The following CHRM3 variants were observed in gnomAD, a reference collection of about 807,000 sequenced individuals.
CHRM3 encodes muscarinic acetylcholine receptor M3.
CHRM3 carries 11 observed loss-of-function variants against 41.8 expected under a neutral mutation model. That is an observed-to-expected ratio of 0.26 (90% CI 0.17 to 0.44). CHRM3 has a LOEUF of 0.44. Among genes scored for constraint, CHRM3 ranks in the 20% least tolerant of loss-of-function variants. The probability of loss-of-function intolerance (pLI) is 1.00; values close to 1 mark genes in which losing one functional copy is unlikely to be tolerated. For missense variants in CHRM3, 571 were observed against 745.4 expected, an observed-to-expected ratio of 0.77 and a Z score of 2.72; for synonymous variants, 297 against 301.4, an observed-to-expected ratio of 0.99 and a Z score of 0.15.
intron 6 of CHRM3, among the ~76,000 whole-genome samples, chr1:239,864,461 C>T (rs768537397): frequency 1.3e-5 from 2 of 151,798 alleles, no homozygotes; most frequent in African/African-American, 2.4e-5. Context: ...GAGCCGAGAT[C>T]GTGCCATTGC....
chr1:239,590,701 A>G (rs1664033561), intron 3 of CHRM3, among the ~76,000 whole-genome samples: 2 of 152,226 alleles, frequency 1.3e-5, no homozygotes, highest in African/African-American at 4.8e-5. Flanking sequence ...CAGGGAAGAT[A>G]GAAAACATCT....
At chr1:239,874,338 C>G (rs1046617385) in intron 6 of CHRM3, among the ~76,000 whole-genome samples, 3 of 36,308 alleles carry the variant, frequency 8.3e-5, no homozygotes, top group Admixed American at 3.3e-4. Context: ...CACAGTTGAC[C>G]CTCGAACAAC....
chr1:239,558,800 A>G (rs1660611665), intron 3 of CHRM3, among the ~76,000 whole-genome samples: 2 of 152,196 alleles, frequency 1.3e-5, no homozygotes, highest in Admixed American at 6.5e-5. Flanking sequence ...GAGTCACCTG[A>G]GTCAACTTCT....
At chr1:239,686,035 G>A (rs953072741) in intron 5 of CHRM3, among the ~76,000 whole-genome samples, 1 of 151,738 alleles carries the variant, frequency 6.6e-6, no homozygotes, top group African/African-American at 2.4e-5. Context: ...TCCCCATCAC[G>A]CCTCCTGCCA....
chr1:239,602,883 A>G (rs1205657905), intron 3 of CHRM3, among the ~76,000 whole-genome samples: 1 of 152,192 alleles, frequency 6.6e-6, no homozygotes, highest in Non-Finnish European at 1.5e-5. Context: ...TTGTTGTTGT[A>G]TAGCAGTAAT....
At chr1:239,833,769 C>T (rs1441700355) in intron 6 of CHRM3, among the ~76,000 whole-genome samples, 2 of 152,240 alleles carry the variant, frequency 1.3e-5, no homozygotes, top group South Asian at 2.1e-4. Flanking sequence ...TGCCTCATTA[C>T]CAAGTCCTTC....
chr1:239,891,063 G>A (rs1678512582), intron 6 of CHRM3, among the ~76,000 whole-genome samples: 2 of 152,140 alleles, frequency 1.3e-5, no homozygotes, highest in Admixed American at 1.3e-4. Flanking sequence ...GCAATCAGGT[G>A]TACATGGTTC....
At chr1:239,429,988 T>TTTA (rs1662698548) in intron 1 of CHRM3, among the ~76,000 whole-genome samples, 2 of 150,338 alleles carry the variant, frequency 1.3e-5, no homozygotes, top group Admixed American at 6.6e-5. Context: ...TTTTTTTTTT[T>TTTA]GAGATGTCTT....
intron 1 of CHRM3, among the ~76,000 whole-genome samples, chr1:239,432,067 G>A (rs964052084): frequency 2.0e-5 from 3 of 152,080 alleles, no homozygotes; most frequent in East Asian, 1.9e-4. Context: ...GAGGGTAGTC[G>A]TGAAGTCTCG....
At chr1:239,877,207 G>GT (rs1677177489) in intron 6 of CHRM3, among the ~76,000 whole-genome samples, 1 of 152,118 alleles carries the variant, frequency 6.6e-6, no homozygotes, top group Non-Finnish European at 1.5e-5. Context: ...CTAATTGAAA[G>GT]TTTTTTTATT....
At chr1:239,816,688 T>C (rs980207330) in intron 5 of CHRM3, among the ~76,000 whole-genome samples, 2 of 151,248 alleles carry the variant, frequency 1.3e-5, no homozygotes, top group African/African-American at 4.9e-5. Flanking sequence ...CCTGTGTGAC[T>C]GAAGAAACTG....
chr1:239,472,277 A>G (rs891832560), intron 1 of CHRM3, among the ~76,000 whole-genome samples: 1 of 152,060 alleles, frequency 6.6e-6, no homozygotes. Context: ...TCTATCATGT[A>G]TCTTAATTTA....
intron 1 of CHRM3, among the ~76,000 whole-genome samples, chr1:239,401,576 C>T (rs918939284): frequency 4.6e-5 from 7 of 151,870 alleles, no homozygotes; most frequent in African/African-American, 9.7e-5. Context: ...CTGCAACCTC[C>T]GCCTTCCGGA....
chr1:239,715,874 G>A (rs1662303071), intron 5 of CHRM3, among the ~76,000 whole-genome samples: 1 of 152,024 alleles, frequency 6.6e-6, no homozygotes, highest in Non-Finnish European at 1.5e-5. Context: ...TGTTGGATTG[G>A]AAGAAACAGT....
intron 1 of CHRM3, among the ~76,000 whole-genome samples, chr1:239,418,020 CT>C (rs1175551032): frequency 6.6e-6 from 1 of 152,174 alleles, no homozygotes; most frequent in African/African-American, 2.4e-5. Flanking sequence ...AGTGCCGGGT[CT>C]TTTAACTCCA....
chr1:239,607,369 A>T (rs933050597), intron 3 of CHRM3, among the ~76,000 whole-genome samples: 1 of 152,222 alleles, frequency 6.6e-6, no homozygotes, highest in African/African-American at 2.4e-5. Context: ...AATGTTAAAA[A>T]AAAGAGTTGT....
At chr1:239,659,598 G>C (rs1172414581) in intron 4 of CHRM3, among the ~76,000 whole-genome samples, 1 of 152,212 alleles carries the variant, frequency 6.6e-6, no homozygotes, top group Non-Finnish European at 1.5e-5. Flanking sequence ...TTGAAGAAGA[G>C]AAATTTTAAT....
chr1:239,747,026 A>G (rs61834846), intron 5 of CHRM3, among the ~76,000 whole-genome samples: 6,417 of 152,146 alleles, frequency 0.042, 224 homozygotes, highest in African/African-American at 0.081. Flanking sequence ...AGAGTGCTGG[A>G]ATTACCAGCA....
intron 4 of CHRM3, among the ~76,000 whole-genome samples, chr1:239,661,939 T>C (rs1003034462): frequency 2.0e-5 from 3 of 152,122 alleles, no homozygotes; most frequent in Non-Finnish European, 4.4e-5. Flanking sequence ...ATAGGAACTC[T>C]CTGTAGTTTC....
Sources: gnomAD v4.1 joint callset for allele counts (sites outside exome capture counted in the v4.1 genomes callset) on GRCh38, gnomAD v4.1.1 for gene constraint, MANE v1.5 for transcripts, NCBI Gene and HGNC (gene_info 2026-07-23, HGNC 2026-07-21) for gene names.